Variants in PPIL1 observed in about 807,000 individuals in gnomAD.
PPIL1 encodes the protein peptidyl-prolyl cis-trans isomerase-like 1.
In PPIL1, 14 loss-of-function variants were observed where a neutral mutation model predicts 19.4. That is an observed-to-expected ratio of 0.72 (90% CI 0.48 to 1.13). The LOEUF is 1.13. Among genes scored for constraint, PPIL1 ranks in the 50% most tolerant of loss-of-function variants. The probability of loss-of-function intolerance (pLI) is 0.00; values close to 1 mark genes in which losing one functional copy is unlikely to be tolerated. For synonymous variants in PPIL1, 72 were observed against 73.6 expected (o/e 0.98, Z 0.11); for missense variants, 192 against 218.0 (o/e 0.88, Z 0.75).
chr6:36,864,822 C>T (rs901897204), intron 2 of PPIL1, among the ~76,000 whole-genome samples: 1 of 152,178 alleles, frequency 6.6e-6, no homozygotes, highest in South Asian at 2.1e-4. Flanking sequence ...ATATCATCTG[C>T]CATCCCTGAG....
intron 2 of PPIL1, among the ~76,000 whole-genome samples, chr6:36,867,086 C>T (rs936964278): frequency 2.0e-5 from 3 of 152,306 alleles, no homozygotes; most frequent in African/African-American, 4.8e-5. Context: ...ACTCAAAACT[C>T]GGGGCCTCAA....
chr6:36,858,192 C>G (rs987816343), intron 2 of PPIL1, among the ~76,000 whole-genome samples: 1 of 139,810 alleles, frequency 7.2e-6, no homozygotes, highest in South Asian at 2.3e-4. Flanking sequence ...CGAGATCATG[C>G]CATTGCACTC....
intron 2 of PPIL1, among the ~76,000 whole-genome samples, chr6:36,856,879 T>C (rs1774178696): frequency 6.6e-6 from 1 of 152,194 alleles, no homozygotes; most frequent in Non-Finnish European, 1.5e-5. Flanking sequence ...TAACGCTATT[T>C]TTTCCTGCAC....
intron 2 of PPIL1, 32 bp downstream of exon 2, chr6:36,871,686 G>A (rs1774513749): frequency 6.4e-7 from 1 of 1,554,538 alleles, no homozygotes; most frequent in Non-Finnish European, 8.6e-7. Flanking sequence ...AAAAAAAAAA[G>A]AAAACATAAA....
At chr6:36,861,601 T>C (rs1169354332) in intron 2 of PPIL1, among the ~76,000 whole-genome samples, 4 of 152,212 alleles carry the variant, frequency 2.6e-5, no homozygotes, top group Non-Finnish European at 4.4e-5. Context: ...AGTTAACTTT[T>C]TTCACTCTTG....
intron 2 of PPIL1, among the ~76,000 whole-genome samples, chr6:36,859,825 G>A (rs1189092752): frequency 6.6e-6 from 1 of 151,542 alleles, no homozygotes; most frequent in Admixed American, 6.6e-5. Flanking sequence ...GTGTGTGTGT[G>A]TGTGTGTGTG....
At chr6:36,859,324 C>A (rs1774230275) in intron 2 of PPIL1, among the ~76,000 whole-genome samples, 1 of 150,210 alleles carries the variant, frequency 6.7e-6, no homozygotes, top group African/African-American at 2.5e-5. Flanking sequence ...ACTTGGGAGG[C>A]TGAGGCAGGA....
intron 2 of PPIL1, among the ~76,000 whole-genome samples, chr6:36,865,190 C>G (rs1283660455): frequency 6.6e-6 from 1 of 152,204 alleles, no homozygotes; most frequent in South Asian, 2.1e-4. Flanking sequence ...CAAGCCCAAG[C>G]TCCACAGTCC....
At position 36,855,931 on chromosome 6, in the gene PPIL1, A is replaced by C. The variant is rs978740961; in HGVS notation, c.383T>G (p.Ile128Ser). 1 of 1,614,176 alleles carries C rather than the reference A, an allele frequency of 6.2e-7. No individual in the cohort carries two copies. Among genetic ancestry groups the C allele is most frequent in the Non-Finnish European group, 8.5e-7 (1 of 1,180,020 alleles). Reference sequence around the variant, plus strand: ...TATGCCCTGACACACTCGGCCAAAAATGGTGTGTTTGCCGTCAAGCCACTG... The same window carrying C: ...TATGCCCTGACACACTCGGCCAAAACTGGTGTGTTTGCCGTCAAGCCACTG... Reference protein sequence around the residue: ...PTQWLDGKHTIFGRVCQGIGM... With the variant: ...PTQWLDGKHTSFGRVCQGIGM... Residue 128 changes from isoleucine to serine, a missense_variant, in exon 4 of 4, where the codon ATT becomes AGT. By Grantham distance (142) the Ile-to-Ser change is moderately radical. Coordinates refer to ENST00000373699, the MANE Select transcript of PPIL1 (RefSeq NM_016059.5).
chr6:36,864,799 C>A (rs529498648), intron 2 of PPIL1, among the ~76,000 whole-genome samples: 5 of 152,292 alleles, frequency 3.3e-5, no homozygotes, highest in African/African-American at 1.2e-4. Flanking sequence ...CCCAGCAGTA[C>A]ATTCTTTTTT....
At chr6:36,863,293 C>T (rs1285901665) in intron 2 of PPIL1, among the ~76,000 whole-genome samples, 3 of 152,152 alleles carry the variant, frequency 2.0e-5, no homozygotes, top group Admixed American at 2.0e-4. Context: ...TTGAGGAGAA[C>T]CTTGCTTCTT....
intron 2 of PPIL1, among the ~76,000 whole-genome samples, chr6:36,865,217 A>C (rs1774369988): frequency 6.6e-6 from 1 of 152,214 alleles, no homozygotes; most frequent in Non-Finnish European, 1.5e-5. Flanking sequence ...ACCCTGAACC[A>C]AACTGTCTTG....
chr6:36,866,634 A>C (rs1014743769), intron 2 of PPIL1, among the ~76,000 whole-genome samples: 14 of 152,132 alleles, frequency 9.2e-5, no homozygotes, highest in African/African-American at 3.4e-4. Flanking sequence ...GAAATACAGA[A>C]AAGCTGTGGC....
At chr6:36,863,054 G>C (rs1467602054) in intron 2 of PPIL1, among the ~76,000 whole-genome samples, 1 of 152,178 alleles carries the variant, frequency 6.6e-6, no homozygotes, top group Non-Finnish European at 1.5e-5. Context: ...TCACAGGCTT[G>C]TTATGAGAAT....
chr6:36,857,134 G>C (rs1183310964), intron 2 of PPIL1, among the ~76,000 whole-genome samples: 2 of 152,084 alleles, frequency 1.3e-5, no homozygotes, highest in African/African-American at 4.8e-5. Context: ...AGCTAGATTT[G>C]CCTCTGAATG....
rs1774151485 is a variant in PPIL1, at chr6:36,855,731, T to C, written c.*82A>G. On this transcript the variant is annotated 3_prime_UTR_variant, in exon 4 of 4. Coordinates refer to ENST00000373699, the MANE Select transcript of PPIL1 (RefSeq NM_016059.5). ...ATGACTTGCAAAGCCAAAATGAATT[T>C]AGCATTACATGTCATTCTATGTCAT... 8.3e-6 allele frequency: 12 copies of C among 1,448,700 alleles called. No homozygotes were observed. Among genetic ancestry groups the C allele is most frequent in the Non-Finnish European group, 1.2e-5 (12 of 1,035,984 alleles). 89.7% of individuals were successfully genotyped at this position (1,448,700 alleles called of 1,614,324 possible).
chr6:36,865,087 AG>A (rs1449524120), intron 2 of PPIL1, among the ~76,000 whole-genome samples: 7 of 152,156 alleles, frequency 4.6e-5, no homozygotes, highest in Non-Finnish European at 5.9e-5. Flanking sequence ...CCAGCCTAGG[AG>A]GTGCACGTAA....
intron 2 of PPIL1, among the ~76,000 whole-genome samples, chr6:36,870,486 A>G (rs1774486452): frequency 6.6e-6 from 1 of 152,212 alleles, no homozygotes; most frequent in Non-Finnish European, 1.5e-5. Flanking sequence ...CTTGGGGGGA[A>G]GCATCTGTAC....
chr6:36,872,270 G>C (rs555329036), intron 1 of PPIL1, among the ~76,000 whole-genome samples: 15 of 151,956 alleles, frequency 9.9e-5, no homozygotes, highest in African/African-American at 3.6e-4. Context: ...AAAATATCAG[G>C]AGTTCATATT....
Sources: gnomAD v4.1 joint callset for allele counts (sites outside exome capture counted in the v4.1 genomes callset) on GRCh38, gnomAD v4.1.1 for gene constraint, MANE v1.5 for transcripts, NCBI Gene and HGNC (gene_info 2026-07-23, HGNC 2026-07-21) for gene names.